CABIN1: variants seen among roughly 807,000 people sequenced by gnomAD.
The protein encoded by CABIN1 is calcineurin binding protein 1.
In CABIN1, 133 loss-of-function variants were observed where a neutral mutation model predicts 227.7. That is an observed-to-expected ratio of 0.58 (90% CI 0.51 to 0.67). The LOEUF (loss-of-function observed/expected upper bound fraction) is 0.67. Ranked by LOEUF, CABIN1 falls within the 30% of genes least tolerant of loss-of-function variation. The probability of loss-of-function intolerance (pLI) is 0.00; values close to 1 mark genes in which losing one functional copy is unlikely to be tolerated. For missense variants in CABIN1, 2,408 were observed against 2,852.5 expected (o/e 0.84, Z 3.55); for synonymous variants, 1,086 against 1,155.1 (o/e 0.94, Z 1.21).
intron 29 of CABIN1, among the ~76,000 whole-genome samples, chr22:24,149,604 T>C (rs2045363254): frequency 6.6e-6 from 1 of 152,248 alleles, no homozygotes; most frequent in Non-Finnish European, 1.5e-5. Context: ...TGCTGATCTC[T>C]AAATATGAGT....
chr22:24,045,435 G>A (rs1251455457), intron 6 of CABIN1, among the ~76,000 whole-genome samples: 4 of 151,740 alleles, frequency 2.6e-5, no homozygotes, highest in Non-Finnish European at 5.9e-5. Context: ...GCAAGATAGT[G>A]AAACCCCATT....
intron 3 of CABIN1, among the ~76,000 whole-genome samples, chr22:24,037,793 C>T (rs1182795839): frequency 6.6e-6 from 1 of 152,198 alleles, no homozygotes; most frequent in Non-Finnish European, 1.5e-5. Context: ...AAACTGCCCT[C>T]ACTTCAGATG....
chr22:24,117,979 A>G (rs12169286), intron 27 of CABIN1, among the ~76,000 whole-genome samples: 12,945 of 152,268 alleles, frequency 0.085, 676 homozygotes, highest in East Asian at 0.3. Context: ...GACGCAGGCA[A>G]CTTCTTGAGC....
At chr22:24,082,007 A>G (rs1236750182) in intron 19 of CABIN1, among the ~76,000 whole-genome samples, 1 of 151,844 alleles carries the variant, frequency 6.6e-6, no homozygotes, top group Non-Finnish European at 1.5e-5. Flanking sequence ...AGCCTGGGCG[A>G]CGGAGCGAGA....
intron 1 of CABIN1, among the ~76,000 whole-genome samples, chr22:24,034,335 A>G (rs536606744): frequency 6.6e-6 from 1 of 152,366 alleles, no homozygotes; most frequent in Admixed American, 6.5e-5. Context: ...GACATTTCAT[A>G]TAATTGGAGC....
At chr22:24,045,711 A>G (rs1384244756) in intron 6 of CABIN1, among the ~76,000 whole-genome samples, 6 of 152,196 alleles carry the variant, frequency 3.9e-5, no homozygotes, top group Non-Finnish European at 7.3e-5. Flanking sequence ...TGCTATAATA[A>G]AATATGATAG....
At chr22:24,084,885 A>G in intron 21 of CABIN1, 100 bp downstream of exon 21, 2 of 1,565,698 alleles carry the variant, frequency 1.3e-6, no homozygotes, top group Non-Finnish European at 1.8e-6. Context: ...TCTGCTCTGT[A>G]CCAGACTGAG....
chr22:24,100,638 G>C (rs1024746999), intron 26 of CABIN1, among the ~76,000 whole-genome samples: 2 of 152,240 alleles, frequency 1.3e-5, no homozygotes, highest in African/African-American at 4.8e-5. Context: ...ATACTACCAG[G>C]AGGGTGATGG....
chr22:24,097,240 T>C lies in CABIN1; in HGVS notation c.3939-774T>C, dbSNP rs546563747. Among the ~76,000 whole-genome samples, 443 of 152,354 alleles carry C rather than the reference T, an allele frequency of 2.9e-3. 1 individual carries two copies. The highest frequency in any genetic ancestry group is 3.9e-3 in the Non-Finnish European group (265 of 68,044). ...ACTTTCTTGTTATAGAACATTCAGG[T>C]AGTATATAAACATGTAGACTAAAAT... On this transcript the variant is annotated intron_variant, in intron 25 of 36. Transcript: ENST00000263119.
At chr22:24,137,421 T>G (rs2044489272) in intron 29 of CABIN1, among the ~76,000 whole-genome samples, 1 of 152,170 alleles carries the variant, frequency 6.6e-6, no homozygotes, top group African/African-American at 2.4e-5. Flanking sequence ...AGAAAAGCAG[T>G]CTGAGGTTGT....
At chr22:24,053,631 G>A (rs35182097) in intron 8 of CABIN1, among the ~76,000 whole-genome samples, 2 of 152,080 alleles carry the variant, frequency 1.3e-5, no homozygotes, top group Non-Finnish European at 2.9e-5. Context: ...TACCCGCCTC[G>A]GCCTCTCAAA....
intron 29 of CABIN1, chr22:24,155,791 C>T (rs1381419895): frequency 2.4e-6 from 1 of 410,026 alleles, no homozygotes; most frequent in East Asian, 3.9e-5. Flanking sequence ...CACCCCTACA[C>T]CATGCTCTCT....
chr22:24,124,059 C>T lies in CABIN1; in HGVS notation c.4632+4361C>T, dbSNP rs1340658523. On this transcript the variant is annotated intron_variant, in intron 28 of 36. Coordinates refer to ENST00000263119, the MANE Select transcript of CABIN1 (RefSeq NM_012295.4). Reference sequence around the variant, plus strand: ...AGTGTGCCACTTGCTTAGTTGCTGACAGCAGGGCTTTTGGGGGAGGAGGAG... The same window carrying T: ...AGTGTGCCACTTGCTTAGTTGCTGATAGCAGGGCTTTTGGGGGAGGAGGAG... Among the ~76,000 whole-genome samples, 3 of 152,356 alleles carry T rather than the reference C, an allele frequency of 2.0e-5. No individual in the cohort carries two copies. In the East Asian group the frequency reaches 5.8e-4, roughly 29 times the overall value.
intron 26 of CABIN1, among the ~76,000 whole-genome samples, chr22:24,110,887 T>C (rs2042772854): frequency 7.1e-6 from 1 of 141,270 alleles, no homozygotes; most frequent in African/African-American, 2.6e-5. Flanking sequence ...TTTTTAAATG[T>C]GTGTGGAGGG....
At chr22:24,145,979 G>T (rs770499783) in intron 29 of CABIN1, among the ~76,000 whole-genome samples, 18 of 152,182 alleles carry the variant, frequency 1.2e-4, no homozygotes, top group Non-Finnish European at 2.4e-4. Flanking sequence ...TCTGCCTCTG[G>T]CTCTGCCCTT....
intron 29 of CABIN1, among the ~76,000 whole-genome samples, chr22:24,153,428 G>A (rs746379508): frequency 9.9e-5 from 15 of 152,190 alleles, no homozygotes; most frequent in Non-Finnish European, 1.8e-4. Flanking sequence ...CCTGCATAGG[G>A]TGCTGACAGT....
chr22:24,167,435 A>G, intron 32 of CABIN1, 122 bp downstream of exon 32: 1 of 811,874 alleles, frequency 1.2e-6, no homozygotes, highest in East Asian at 2.6e-5. Context: ...TGTTGTTCCC[A>G]CACCATCCCT....
intron 21 of CABIN1, 32 bp downstream of exon 21, chr22:24,084,817 A>G (rs772919536): frequency 2.4e-5 from 39 of 1,606,212 alleles, no homozygotes; most frequent in Non-Finnish European, 2.9e-5. Flanking sequence ...CGTGGGGGAC[A>G]GGGCTGGGTC....
chr22:24,024,399 A>G (rs893289272), intron 1 of CABIN1, among the ~76,000 whole-genome samples: 20 of 152,110 alleles, frequency 1.3e-4, no homozygotes, highest in Admixed American at 1.3e-3. Context: ...AGATTTTTCC[A>G]TATGTTTTTT....
Sources: gnomAD v4.1 joint callset for allele counts (sites outside exome capture counted in the v4.1 genomes callset) on GRCh38, gnomAD v4.1.1 for gene constraint, MANE v1.5 for transcripts, NCBI Gene and HGNC (gene_info 2026-07-23, HGNC 2026-07-21) for gene names.